HYCC1: variants seen among roughly 807,000 people sequenced by gnomAD.
HYCC1 encodes hyccin PI4KA lipid kinase complex subunit 1.
the HYCC1 span, among the ~76,000 whole-genome samples, chr7:22,969,725 T>C: frequency 6.6e-6 from 1 of 152,248 alleles, no homozygotes; most frequent in Non-Finnish European, 1.5e-5. Flanking sequence ...GGTTTTGCCA[T>C]GTTGGCCAGG....
the HYCC1 span, chr7:23,013,867 A>C: frequency 2.2e-6 from 1 of 453,084 alleles, no homozygotes; most frequent in Non-Finnish European, 4.5e-6. Flanking sequence ...TGACAAAAAA[A>C]AGTTATCCGT....
At chr7:22,908,031 T>C in the HYCC1 span, among the ~76,000 whole-genome samples, 1 of 152,230 alleles carries the variant, frequency 6.6e-6, no homozygotes, top group Non-Finnish European at 1.5e-5. Flanking sequence ...AAGGTTCTCA[T>C]GCAGGCAGTC....
chr7:22,998,175 T>C, the HYCC1 span, among the ~76,000 whole-genome samples: 1 of 152,208 alleles, frequency 6.6e-6, no homozygotes. Flanking sequence ...ATAAGAGAAG[T>C]TAGGAAGAAC....
chr7:22,902,078 T>A, the HYCC1 span, among the ~76,000 whole-genome samples: 2 of 152,086 alleles, frequency 1.3e-5, no homozygotes, highest in Non-Finnish European at 2.9e-5. Flanking sequence ...GTAGAGCATA[T>A]TGTCCAACCA....
chr7:22,972,904 T>C, the HYCC1 span, among the ~76,000 whole-genome samples: 1 of 152,224 alleles, frequency 6.6e-6, no homozygotes, highest in Non-Finnish European at 1.5e-5. Context: ...GTGTTCAAGA[T>C]TGTTTTAATT....
At chr7:22,923,660 A>G in the HYCC1 span, among the ~76,000 whole-genome samples, 1 of 152,208 alleles carries the variant, frequency 6.6e-6, no homozygotes, top group Non-Finnish European at 1.5e-5. Context: ...GCTAGACTGA[A>G]TAAGATTAAG....
the HYCC1 span, chr7:22,941,113 T>C: frequency 6.6e-6 from 1 of 152,188 alleles, no homozygotes; most frequent in Non-Finnish European, 1.5e-5. Flanking sequence ...AAGCCAGGAA[T>C]GAGGTCATTG....
At chr7:23,004,285 T>C in the HYCC1 span, among the ~76,000 whole-genome samples, 1 of 152,368 alleles carries the variant, frequency 6.6e-6, no homozygotes, top group African/African-American at 2.4e-5. Context: ...CAATTACACA[T>C]TGTTTTTGAA....
the HYCC1 span, among the ~76,000 whole-genome samples, chr7:22,904,625 A>G: frequency 6.6e-6 from 1 of 151,620 alleles, no homozygotes; most frequent in Non-Finnish European, 1.5e-5. Flanking sequence ...GCATTACTAT[A>G]AAGAAATAAC....
At chr7:22,946,119 C>T in the HYCC1 span, 2 of 1,613,254 alleles carry the variant, frequency 1.2e-6, no homozygotes, top group Non-Finnish European at 1.7e-6. Flanking sequence ...TCGTCAACTT[C>T]AGATATCTCC....
At chr7:22,915,397 T>C in the HYCC1 span, among the ~76,000 whole-genome samples, 1 of 152,248 alleles carries the variant, frequency 6.6e-6, no homozygotes, top group Non-Finnish European at 1.5e-5. Context: ...CTTCAAGTGC[T>C]GGAAATCTGG....
the HYCC1 span, among the ~76,000 whole-genome samples, chr7:23,010,794 A>G: frequency 1.9e-3 from 296 of 152,314 alleles, 4 homozygotes; most frequent in African/African-American, 6.8e-3. Flanking sequence ...AATTATTATT[A>G]CATTATTGTA....
chr7:22,955,039 T>C, the HYCC1 span, among the ~76,000 whole-genome samples: 1 of 151,542 alleles, frequency 6.6e-6, no homozygotes, highest in Non-Finnish European at 1.5e-5. Flanking sequence ...ATCCTTACTG[T>C]AATAGTGATA....
chr7:22,897,005 G>A, the HYCC1 span, among the ~76,000 whole-genome samples: 3 of 152,300 alleles, frequency 2.0e-5, no homozygotes, highest in African/African-American at 7.2e-5. Flanking sequence ...AAAGGTCAGC[G>A]GTTGGGGTGG....
the HYCC1 span, among the ~76,000 whole-genome samples, chr7:22,901,408 G>C: frequency 6.6e-6 from 1 of 152,002 alleles, no homozygotes; most frequent in Non-Finnish European, 1.5e-5. Context: ...TACATTAAAT[G>C]TAACTGGTGT....
chr7:22,981,942 A>AGTGTT, the HYCC1 span, among the ~76,000 whole-genome samples: 1 of 152,226 alleles, frequency 6.6e-6, no homozygotes, highest in South Asian at 2.1e-4. Flanking sequence ...CATTAGAGCT[A>AGTGTT]TATTCACTAG....
At chr7:23,009,338 T>C in the HYCC1 span, among the ~76,000 whole-genome samples, 1 of 152,124 alleles carries the variant, frequency 6.6e-6, no homozygotes, top group Admixed American at 6.5e-5. Context: ...ATAACCAATA[T>C]CATGCTAACA....
chr7:22,924,195 A>AAAAAG, the HYCC1 span, among the ~76,000 whole-genome samples: 7 of 136,604 alleles, frequency 5.1e-5, 1 homozygote, highest in African/African-American at 5.4e-5. Flanking sequence ...AAAAAAAAAA[A>AAAAAG]GGGGGGTGGA....
chr7:22,977,366 A>G, the HYCC1 span: 7 of 1,598,272 alleles, frequency 4.4e-6, no homozygotes, highest in Non-Finnish European at 6.0e-6. Context: ...TGGTTTGGAT[A>G]AAGATGGAAT....
Sources: gnomAD v4.1 joint callset for allele counts (sites outside exome capture counted in the v4.1 genomes callset) on GRCh38, gnomAD v4.1.1 for gene constraint, MANE v1.5 for transcripts, NCBI Gene and HGNC (gene_info 2026-07-23, HGNC 2026-07-21) for gene names.